Variants in PHACTR1 observed in about 807,000 individuals in gnomAD.
PHACTR1 encodes RPEL repeat containing 1.
Under a neutral mutation model 69.2 loss-of-function variants are expected in PHACTR1, and 16 were observed. That is an observed-to-expected ratio of 0.23 (90% CI 0.16 to 0.35). The LOEUF is 0.35. Among genes scored for constraint, PHACTR1 ranks in the 10% least tolerant of loss-of-function variants. The probability of loss-of-function intolerance (pLI) is 1.00; values close to 1 mark genes in which losing one functional copy is unlikely to be tolerated. For missense variants in PHACTR1, 510 were observed against 734.7 expected (o/e 0.69, Z 3.54); for synonymous variants, 312 against 284.5 (o/e 1.10, Z -0.97).
intron 4 of PHACTR1, among the ~76,000 whole-genome samples, chr6:12,873,554 G>A (rs1387131238): frequency 6.6e-6 from 1 of 152,134 alleles, no homozygotes; most frequent in East Asian, 1.9e-4. Context: ...ATACAGGTAA[G>A]TATACGTTTT....
intron 5 of PHACTR1, among the ~76,000 whole-genome samples, chr6:13,107,308 C>T (rs1173838531): frequency 1.3e-5 from 2 of 152,180 alleles, no homozygotes; most frequent in Non-Finnish European, 2.9e-5. Flanking sequence ...GACAGGGTCT[C>T]GCTATGTTGC....
At chr6:13,120,216 C>G (rs931867918) in intron 5 of PHACTR1, among the ~76,000 whole-genome samples, 4 of 152,170 alleles carry the variant, frequency 2.6e-5, no homozygotes, top group Admixed American at 1.3e-4. Context: ...TTCCTTTCCT[C>G]CTTCTTCCTT....
At chr6:12,859,572 G>A (rs1780736311) in intron 4 of PHACTR1, among the ~76,000 whole-genome samples, 1 of 152,196 alleles carries the variant, frequency 6.6e-6, no homozygotes, top group African/African-American at 2.4e-5. Context: ...CAGAGGCAAT[G>A]AGAAAAGGTA....
chr6:12,922,936 C>G (rs1310505558), intron 4 of PHACTR1, among the ~76,000 whole-genome samples: 1 of 152,138 alleles, frequency 6.6e-6, no homozygotes, highest in Non-Finnish European at 1.5e-5. Context: ...GCATCAGACC[C>G]CGGAGTAAAT....
At chr6:13,027,706 C>T (rs141865428) in intron 4 of PHACTR1, among the ~76,000 whole-genome samples, 3 of 151,702 alleles carry the variant, frequency 2.0e-5, no homozygotes, top group Non-Finnish European at 4.4e-5. Flanking sequence ...GACAGAGTCT[C>T]ACTCTGCCAC....
intron 5 of PHACTR1, among the ~76,000 whole-genome samples, chr6:13,116,741 ATAAC>A (rs1817880289): frequency 6.6e-6 from 1 of 152,236 alleles, no homozygotes; most frequent in Admixed American, 6.5e-5. Flanking sequence ...AAATGGAAAA[ATAAC>A]TGCTGGAGAG....
intron 10 of PHACTR1, chr6:13,267,313 C>T (rs1211700330): frequency 2.0e-5 from 3 of 152,216 alleles, no homozygotes; most frequent in African/African-American, 7.2e-5. Flanking sequence ...ATTTCTAAAA[C>T]AGGTCTTGAT....
chr6:13,189,834 G>T (rs1763278628), intron 7 of PHACTR1, among the ~76,000 whole-genome samples: 2 of 152,084 alleles, frequency 1.3e-5, no homozygotes, highest in African/African-American at 4.8e-5. Context: ...CGCAACTAAA[G>T]AATGTAGATT....
chr6:13,107,184 C>A (rs115446235), intron 5 of PHACTR1, among the ~76,000 whole-genome samples: 2 of 152,308 alleles, frequency 1.3e-5, no homozygotes, highest in African/African-American at 4.8e-5. Flanking sequence ...GTAGTACACT[C>A]ACAGCTCACT....
chr6:13,184,209 G>A (rs1178051125), intron 7 of PHACTR1, among the ~76,000 whole-genome samples: 1 of 152,198 alleles, frequency 6.6e-6, no homozygotes, highest in Admixed American at 6.5e-5. Flanking sequence ...CAGTGCCTGG[G>A]GTGCAGCCTA....
chr6:13,025,992 C>CA (rs1350891466), intron 4 of PHACTR1, among the ~76,000 whole-genome samples: 2 of 152,120 alleles, frequency 1.3e-5, no homozygotes, highest in African/African-American at 2.4e-5. Flanking sequence ...GTTTTATAAA[C>CA]AAGAGTTGAG....
chr6:13,022,033 G>C (rs564161668), intron 4 of PHACTR1, among the ~76,000 whole-genome samples: 2 of 152,142 alleles, frequency 1.3e-5, no homozygotes, highest in African/African-American at 2.4e-5. Context: ...TCCCACCTTC[G>C]GGCAATCAAG....
At chr6:12,911,212 G>C (rs1338166812) in intron 4 of PHACTR1, among the ~76,000 whole-genome samples, 4 of 152,176 alleles carry the variant, frequency 2.6e-5, no homozygotes, top group African/African-American at 9.7e-5. Flanking sequence ...CCTAGCCATA[G>C]ATCTCATGGC....
intron 5 of PHACTR1, among the ~76,000 whole-genome samples, chr6:13,142,799 T>C (rs1479738553): frequency 6.6e-6 from 1 of 152,018 alleles, no homozygotes; most frequent in Admixed American, 6.6e-5. Flanking sequence ...TCTTGATTAC[T>C]GTGGCTTTGT....
intron 4 of PHACTR1, among the ~76,000 whole-genome samples, chr6:13,037,367 A>G (rs554293449): frequency 6.6e-6 from 1 of 152,088 alleles, no homozygotes; most frequent in Non-Finnish European, 1.5e-5. Context: ...AGATCCACCC[A>G]CTAGAGCTTG....
chr6:12,858,557 C>T (rs1780629979), intron 4 of PHACTR1, among the ~76,000 whole-genome samples: 1 of 151,912 alleles, frequency 6.6e-6, no homozygotes, highest in South Asian at 2.1e-4. Flanking sequence ...CTTTGGAAGG[C>T]CTAGGTGGGA....
At chr6:12,908,755 C>A (rs1357908364) in intron 4 of PHACTR1, among the ~76,000 whole-genome samples, 1 of 152,222 alleles carries the variant, frequency 6.6e-6, no homozygotes, top group Admixed American at 6.5e-5. Flanking sequence ...GCAGGTCAGC[C>A]GGGTGCTGGA....
At chr6:12,973,645 G>A (rs534770232) in intron 4 of PHACTR1, among the ~76,000 whole-genome samples, 8 of 152,222 alleles carry the variant, frequency 5.3e-5, no homozygotes, top group African/African-American at 1.4e-4. Context: ...TAAAGGATCC[G>A]TGTTATCTAT....
At position 13,259,783 on chromosome 6, in the gene PHACTR1, C is replaced by G. The variant is rs2000372; in HGVS notation, c.1392-13077C>G. On this transcript the variant is annotated intron_variant, in intron 10 of 14. Transcript: ENST00000332995. The stretch of plus-strand genomic sequence containing the variant: ...CTCAGGGCCCCAGTTCATCTTCCCC[C>G]CTCTGTGCTCTCTCCTCTAGCCAGG... Among the ~76,000 whole-genome samples, 1,150 of 152,256 alleles carry G rather than the reference C, an allele frequency of 7.6e-3. 16 individuals carry two copies. Among genetic ancestry groups the G allele is most frequent in the African/African-American group, 0.025 (1,028 of 41,520 alleles).
Sources: gnomAD v4.1 joint callset for allele counts (sites outside exome capture counted in the v4.1 genomes callset) on GRCh38, gnomAD v4.1.1 for gene constraint, MANE v1.5 for transcripts, NCBI Gene and HGNC (gene_info 2026-07-23, HGNC 2026-07-21) for gene names.